UBE2R2: variants seen among roughly 807,000 people sequenced by gnomAD.
UBE2R2 encodes ubiquitin-conjugating enzyme E2 R2.
A neutral mutation model predicts 27.8 loss-of-function variants in UBE2R2; 1 was observed. The observed-to-expected ratio is 0.04, with a 90% CI of 0.01 to 0.17. The LOEUF is 0.17. Ranked by LOEUF, UBE2R2 falls within the 10% of genes least tolerant of loss-of-function variation. The pLI is 1.00. For missense variants in UBE2R2, 100 were observed against 291.0 expected (o/e 0.34, Z 4.78); for synonymous variants, 106 against 113.3 (o/e 0.94, Z 0.41).
intron 4 of UBE2R2, among the ~76,000 whole-genome samples, chr9:33,914,640 A>G (rs1822593545): frequency 6.6e-6 from 1 of 152,136 alleles, no homozygotes; most frequent in African/African-American, 2.4e-5. Context: ...CAACCTGGCC[A>G]ACATGGTGAA....
chr9:33,888,318 CA>C (rs939727266), intron 2 of UBE2R2, among the ~76,000 whole-genome samples: 11 of 151,442 alleles, frequency 7.3e-5, no homozygotes, highest in East Asian at 5.8e-4. Context: ...AAAAAACAAA[CA>C]AAAAAAAATT....
intron 1 of UBE2R2, among the ~76,000 whole-genome samples, chr9:33,856,868 T>G: frequency 7.0e-6 from 1 of 142,588 alleles, no homozygotes; most frequent in South Asian, 2.2e-4. Flanking sequence ...CGTCTGTCCG[T>G]CCTTCCTTCC....
intron 1 of UBE2R2, among the ~76,000 whole-genome samples, chr9:33,877,819 G>GTCTCTCTCTCTCTCTCTCTCTCTCTC (rs1435783363): frequency 3.8e-4 from 35 of 92,992 alleles, no homozygotes; most frequent in Non-Finnish European, 4.0e-4. Context: ...CTGTCTGTCT[G>GTCTCTCTCTCTCTCTCTCTCTCTCTC]TCTGTCTCTC....
At chr9:33,848,424 C>G (rs889795898) in intron 1 of UBE2R2, among the ~76,000 whole-genome samples, 1 of 152,060 alleles carries the variant, frequency 6.6e-6, no homozygotes, top group African/African-American at 2.4e-5. Context: ...TGATATCTTT[C>G]TCCCTCTTTC....
intron 1 of UBE2R2, among the ~76,000 whole-genome samples, chr9:33,841,904 C>T (rs898301603): frequency 3.3e-5 from 5 of 152,080 alleles, no homozygotes; most frequent in Non-Finnish European, 7.4e-5. Flanking sequence ...TTCATGTATG[C>T]TGTCCTCATC....
chr9:33,884,614 A>G (rs1238262928), intron 1 of UBE2R2, among the ~76,000 whole-genome samples: 1 of 152,110 alleles, frequency 6.6e-6, no homozygotes, highest in Non-Finnish European at 1.5e-5. Context: ...ATTGATATTC[A>G]GTATTTATGG....
At chr9:33,851,799 C>G (rs1033318111) in intron 1 of UBE2R2, among the ~76,000 whole-genome samples, 1 of 152,100 alleles carries the variant, frequency 6.6e-6, no homozygotes, top group Non-Finnish European at 1.5e-5. Flanking sequence ...TCAATGGACT[C>G]ATCTCCTATT....
chr9:33,881,062 G>T (rs1485490749), intron 1 of UBE2R2, among the ~76,000 whole-genome samples: 1 of 152,138 alleles, frequency 6.6e-6, no homozygotes, highest in Non-Finnish European at 1.5e-5. Context: ...TTTCCATTTG[G>T]TGGCAAAAGT....
chr9:33,865,152 G>A (rs1322745908), intron 1 of UBE2R2, among the ~76,000 whole-genome samples: 2 of 151,500 alleles, frequency 1.3e-5, no homozygotes, highest in African/African-American at 4.8e-5. Flanking sequence ...GAGCCACTGT[G>A]CCCAACTTAC....
intron 2 of UBE2R2, among the ~76,000 whole-genome samples, chr9:33,893,082 A>G (rs1822024297): frequency 6.6e-6 from 1 of 152,182 alleles, no homozygotes; most frequent in Non-Finnish European, 1.5e-5. Flanking sequence ...TTCATTCATA[A>G]ATAAATAAGT....
At chr9:33,884,198 ATCTCTCTCTCTC>A (rs777923492) in intron 1 of UBE2R2, among the ~76,000 whole-genome samples, 6 of 63,442 alleles carry the variant, frequency 9.5e-5, no homozygotes, top group South Asian at 8.3e-4. Flanking sequence ...CAACTTAAGA[ATCTCTCTCTCTC>A]TCTCTCTCTC....
intron 1 of UBE2R2, among the ~76,000 whole-genome samples, chr9:33,851,774 T>C (rs1161867066): frequency 2.6e-5 from 4 of 152,218 alleles, no homozygotes; most frequent in Admixed American, 2.6e-4. Context: ...TCTAATTTAT[T>C]CATTTATTTA....
intron 1 of UBE2R2, among the ~76,000 whole-genome samples, chr9:33,829,634 T>G (rs1820400785): frequency 6.6e-6 from 1 of 152,210 alleles, no homozygotes; most frequent in Non-Finnish European, 1.5e-5. Flanking sequence ...AATATTGGTT[T>G]ATGCTTTTAA....
At chr9:33,830,147 C>T (rs1820426751) in intron 1 of UBE2R2, among the ~76,000 whole-genome samples, 1 of 142,928 alleles carries the variant, frequency 7.0e-6, no homozygotes, top group Admixed American at 7.6e-5. Flanking sequence ...TTTGGATTTC[C>T]AAGTTTCATA....
At chr9:33,892,268 T>C (rs1377289356) in intron 2 of UBE2R2, among the ~76,000 whole-genome samples, 4 of 152,170 alleles carry the variant, frequency 2.6e-5, no homozygotes, top group Non-Finnish European at 5.9e-5. Flanking sequence ...AGACAACTAA[T>C]GAGCACCATA....
At chr9:33,894,667 G>A (rs1822062174) in intron 2 of UBE2R2, among the ~76,000 whole-genome samples, 1 of 152,212 alleles carries the variant, frequency 6.6e-6, no homozygotes, top group African/African-American at 2.4e-5. Flanking sequence ...TGTGGCCAAG[G>A]TAGAAGGATT....
chr9:33,823,656 A>G (rs989285576), intron 1 of UBE2R2, among the ~76,000 whole-genome samples: 10 of 152,356 alleles, frequency 6.6e-5, no homozygotes, highest in African/African-American at 2.4e-4. Flanking sequence ...GATTACAGGC[A>G]TGAGCCACCG....
Position 33,817,731 on chromosome 9 carries a change from G to C in UBE2R2, c.-27G>C. 1 of 1,494,348 alleles carries C rather than the reference G, an allele frequency of 6.7e-7. No individual in the cohort carries two copies. The highest frequency in any genetic ancestry group is 8.9e-7 in the Non-Finnish European group (1 of 1,120,814). 92.6% of individuals were successfully genotyped at this position (1,494,348 alleles called of 1,614,324 possible). A position where few individuals can be genotyped will look rare whatever the true frequency, so the allele number is the denominator to read the frequency against. Reference sequence around the variant, plus strand: ...TGCGTGAGGACTGGGGCCCGGGCCCGGCGCCGCCGCCGCCGCCGCCGCCGC... The same window carrying C: ...TGCGTGAGGACTGGGGCCCGGGCCCCGCGCCGCCGCCGCCGCCGCCGCCGC... On this transcript the variant is annotated 5_prime_UTR_variant, in exon 1 of 5. Transcript: ENST00000263228.
chr9:33,890,193 T>C (rs918638579), intron 2 of UBE2R2, among the ~76,000 whole-genome samples: 2 of 152,226 alleles, frequency 1.3e-5, no homozygotes, highest in African/African-American at 4.8e-5. Context: ...GATCATGATA[T>C]AAAATTTTTT....
Sources: allele counts gnomAD v4.1 joint callset (sites outside exome capture counted in the v4.1 genomes callset), GRCh38; gene constraint gnomAD v4.1.1; transcripts MANE v1.5; gene names NCBI Gene and HGNC (gene_info 2026-07-23, HGNC 2026-07-21).